ECPAS: variants seen among roughly 807,000 people sequenced by gnomAD.
The protein encoded by ECPAS is Ecm29 proteasome adaptor and scaffold, also known as proteasome adapter and scaffold protein ECM29.
In ECPAS, 70 loss-of-function variants were observed where a neutral mutation model predicts 255.1. The ratio of observed to expected loss-of-function variants is 0.27; its 90% CI spans 0.23 to 0.33. ECPAS has a LOEUF of 0.33. Ranked by LOEUF, ECPAS falls within the 10% of genes least tolerant of loss-of-function variation. The pLI is 1.00. For synonymous variants in ECPAS, 784 were observed against 775.0 expected (o/e 1.01, Z -0.19); for missense variants, 1,817 against 2,206.4 (o/e 0.82, Z 3.54).
intron 16 of ECPAS, 91 bp downstream of exon 16, chr9:111,419,926 T>C: frequency 1.1e-6 from 1 of 951,136 alleles, no homozygotes; most frequent in Non-Finnish European, 1.7e-6. Context: ...CTAAATTTCA[T>C]AGACCAACAT....
intron 2 of ECPAS, among the ~76,000 whole-genome samples, chr9:111,464,853 G>A (rs772125901): frequency 8.5e-5 from 13 of 152,088 alleles, no homozygotes; most frequent in Non-Finnish European, 5.9e-5. Context: ...GTAACACAGG[G>A]GGTTTGAATT....
chr9:111,467,766 T>A (rs1214736477), intron 2 of ECPAS, among the ~76,000 whole-genome samples: 1 of 152,174 alleles, frequency 6.6e-6, no homozygotes, highest in African/African-American at 2.4e-5. Context: ...TTCACAGATA[T>A]AAGTATATAA....
intron 24 of ECPAS, among the ~76,000 whole-genome samples, chr9:111,404,813 C>CAAAAAAAAAAAA: frequency 1.9e-5 from 1 of 52,886 alleles, no homozygotes; most frequent in Non-Finnish European, 3.3e-5. Flanking sequence ...TAATAGCTAC[C>CAAAAAAAAAAAA]AAAAAAAAAA....
At chr9:111,462,528 T>C (rs2098274366) in intron 2 of ECPAS, among the ~76,000 whole-genome samples, 2 of 152,010 alleles carry the variant, frequency 1.3e-5, no homozygotes, top group South Asian at 4.1e-4. Flanking sequence ...TTATGTTGCA[T>C]ACAAGATCAG....
At position 111,373,370 on chromosome 9, in the gene ECPAS, T is replaced by C. The variant is rs1364127958; in HGVS notation, c.4214A>G (p.Asp1405Gly). ...LMSALLSGLT[D>G]RNSVIQKSCA... is the part of the protein sequence containing the mutation. ...AGATTTCTGAATCACACTGTTCCGA[T>C]CTGTCAGGCCACTCAGCAAAGCACT... The change falls in exon 40 of 50, where the codon GAT (aspartate) becomes GGT (glycine). Residue 1405 changes from aspartate to glycine, a missense_variant. Transcript: ENST00000684092. 4 of 1,613,774 alleles carry C rather than the reference T, an allele frequency of 2.5e-6. No homozygotes were observed. The African/African-American group carries it at 5.3e-5, about 22-fold the overall frequency.
At chr9:111,387,778 G>A (rs577151696) in intron 31 of ECPAS, among the ~76,000 whole-genome samples, 2 of 151,846 alleles carry the variant, frequency 1.3e-5, no homozygotes, top group South Asian at 2.1e-4. Context: ...AGTTATTGAG[G>A]GACAGAGTCT....
intron 3 of ECPAS, among the ~76,000 whole-genome samples, chr9:111,446,570 A>G (rs1313703277): frequency 6.6e-6 from 1 of 152,218 alleles, no homozygotes; most frequent in Non-Finnish European, 1.5e-5. Context: ...GAATAATAAC[A>G]ACTCTGTAAT....
chr9:111,415,715 A>C (rs1435390364), intron 18 of ECPAS, among the ~76,000 whole-genome samples: 2 of 151,770 alleles, frequency 1.3e-5, no homozygotes, highest in Non-Finnish European at 2.9e-5. Flanking sequence ...AAAAAAAAAA[A>C]ACCAAACAAA....
intron 2 of ECPAS, among the ~76,000 whole-genome samples, chr9:111,470,185 G>C (rs2098285316): frequency 6.6e-6 from 1 of 152,116 alleles, no homozygotes; most frequent in African/African-American, 2.4e-5. Flanking sequence ...TTATCTTTCT[G>C]TTCCCTAGTC....
chr9:111,474,720 A>G (rs2098294115), intron 1 of ECPAS, among the ~76,000 whole-genome samples: 1 of 152,230 alleles, frequency 6.6e-6, no homozygotes, highest in South Asian at 2.1e-4. Context: ...CACACCAAAA[A>G]TAATAATAAT....
Position 111,483,878 on chromosome 9 carries a change from C to G in ECPAS, c.-83+238G>C, listed in dbSNP as rs528712698. The G allele has an allele frequency of 6.5e-5, 34 of 520,522 alleles. 1 individual carries two copies. In the South Asian group the frequency reaches 2.4e-3, roughly 37 times the overall value. 32.2% of individuals were successfully genotyped at this position (520,522 alleles called of 1,614,324 possible). A position where few individuals can be genotyped will look rare whatever the true frequency, so the allele number is the denominator to read the frequency against. ...CTCCGCGCCGCGCTCGCCCAACTCACGCCGGTTTTATATTTAGAAAGAGCT... is the reference window on the plus strand; with the variant it reads ...CTCCGCGCCGCGCTCGCCCAACTCAGGCCGGTTTTATATTTAGAAAGAGCT... On this transcript the variant is annotated intron_variant, in intron 1 of 49. Coordinates refer to ENST00000684092, the MANE Select transcript of ECPAS (RefSeq NM_001364929.1).
At chr9:111,421,865 G>T in intron 15 of ECPAS, 56 bp downstream of exon 15, 1 of 1,574,494 alleles carries the variant, frequency 6.4e-7, no homozygotes. Context: ...TTCAAATTTT[G>T]TTCTTAAAAA....
intron 25 of ECPAS, among the ~76,000 whole-genome samples, chr9:111,396,123 A>C (rs767684411): frequency 9.9e-5 from 15 of 152,254 alleles, no homozygotes; most frequent in African/African-American, 3.6e-4. Flanking sequence ...TACCATGAGA[A>C]TACTCTCTTT....
rs1327320290 is a variant in ECPAS at position 111,410,161 on chromosome 9, G to A, written c.2430C>T (p.Ala810=). Residue 810 remains alanine, a synonymous_variant, in exon 23 of 50, where the codon GCC becomes GCT. Transcript: ENST00000684092. ...SPLLAIAACT[A]LGEIGRNGPL... is the part of the protein sequence containing the mutation. ...GACCATTTCTGCCAATTTCACCCAG[G>A]GCTGTGCAGGCAGCAATTGCCAGGA... The A allele has an allele frequency of 3.1e-6, 5 of 1,613,012 alleles. No homozygotes were observed. The highest frequency in any genetic ancestry group is 4.2e-6 in the Non-Finnish European group (5 of 1,179,612).
At position 111,430,568 on chromosome 9, in the gene ECPAS, A is replaced by G; in HGVS notation, c.909T>C (p.Asp303=). 6.3e-7 allele frequency: 1 copy of G among 1,597,450 alleles called. No homozygotes were observed. The highest frequency in any genetic ancestry group is 1.1e-5 in the South Asian group (1 of 88,516). ...CTACCTCTTTTGTCTTCAGTGGTATATCTCCAAGGTACACCTTGTACATCT... is the reference window on the plus strand; with the variant it reads ...CTACCTCTTTTGTCTTCAGTGGTATGTCTCCAAGGTACACCTTGTACATCT... ...INKMYKVYLG[D]IPLKTKEGAV... Residue 303 remains aspartate, a synonymous_variant, in exon 9 of 50, where the codon GAT becomes GAC. Transcript: ENST00000684092.
intron 48 of ECPAS, chr9:111,365,671 A>C (rs2098119574): frequency 6.6e-6 from 1 of 152,496 alleles, no homozygotes; most frequent in African/African-American, 2.4e-5. Flanking sequence ...AACTCAAAAA[A>C]AATAAAAATA....
At chr9:111,453,594 C>T (rs1239070682) in intron 2 of ECPAS, among the ~76,000 whole-genome samples, 2 of 152,206 alleles carry the variant, frequency 1.3e-5, no homozygotes, top group Admixed American at 6.5e-5. Context: ...GAAATGTTAA[C>T]TTCACAGTAG....
chr9:111,374,712 T>G (rs1480148449), intron 38 of ECPAS, among the ~76,000 whole-genome samples: 1 of 152,228 alleles, frequency 6.6e-6, no homozygotes, highest in Non-Finnish European at 1.5e-5. Context: ...GGGGGGTGTC[T>G]GATCCTTCAA....
In ECPAS at chr9:111,459,222, C is replaced by T. The variant is rs184963844; in HGVS notation, c.23-7667G>A. 9.5e-4 allele frequency among the ~76,000 whole-genome samples: 144 copies of T among 151,134 alleles called. 2 individuals carry two copies. Among genetic ancestry groups the T allele is most frequent in the Non-Finnish European group, 1.9e-4 (13 of 67,818 alleles). ...ATTTTACCTTTTTCTTTTTTTTTCCCCTTAAGCTCAGTGGCAAGAAGAAAT... is the reference window on the plus strand; with the variant it reads ...ATTTTACCTTTTTCTTTTTTTTTCCTCTTAAGCTCAGTGGCAAGAAGAAAT... On this transcript the variant is annotated intron_variant, in intron 2 of 49. Coordinates refer to ENST00000684092, the MANE Select transcript of ECPAS (RefSeq NM_001364929.1).
Sources: gnomAD v4.1 joint callset for allele counts (sites outside exome capture counted in the v4.1 genomes callset) on GRCh38, gnomAD v4.1.1 for gene constraint, MANE v1.5 for transcripts, NCBI Gene and HGNC (gene_info 2026-07-23, HGNC 2026-07-21) for gene names.